The following ME2 variants were observed in gnomAD, a reference collection of about 807,000 sequenced individuals.
ME2 encodes the protein NAD-dependent malic enzyme, mitochondrial.
ME2 carries 60 observed loss-of-function variants against 73.7 expected under a neutral mutation model. The observed-to-expected ratio is 0.81, with a 90% CI of 0.66 to 1.01. The LOEUF (loss-of-function observed/expected upper bound fraction) is 1.01, where lower values mean the gene tolerates loss of function less well. Ranked by LOEUF, ME2 falls within the 50% of genes least tolerant of loss-of-function variation. The pLI, the probability that ME2 is intolerant of heterozygous loss-of-function variation, is 0.00. For missense variants in ME2, 594 were observed against 705.5 expected (o/e 0.84, Z 1.79); for synonymous variants, 199 against 236.9 (o/e 0.84, Z 1.47).
At chr18:50,886,213 T>C (rs1389752786) in intron 1 of ME2, among the ~76,000 whole-genome samples, 5 of 151,806 alleles carry the variant, frequency 3.3e-5, no homozygotes, top group Non-Finnish European at 7.4e-5. Context: ...ATGTGTCTAT[T>C]TTTTAATTTA....
chr18:50,918,151 A>G lies in ME2; in HGVS notation c.672A>G (p.Lys224=), dbSNP rs1335394573. The G allele has an allele frequency of 3.1e-6, 5 of 1,609,258 alleles. No homozygotes were observed. The highest frequency in any genetic ancestry group is 4.2e-6 in the Non-Finnish European group (5 of 1,176,732). Residue 224 remains lysine (K), a synonymous_variant, in exon 7 of 16, where the codon AAA becomes AAG. Transcript: ENST00000321341. ...KDPFYMGLYQ[K]RDRTQQYDDL... is the part of the protein sequence containing the mutation. ...CATTTTACATGGGCTTGTACCAGAA[A>G]CGAGATCGCACACAACAGTATGATG...
At position 50,908,215 on chromosome 18, in the gene ME2, T is replaced by C. The variant is rs1420551365; in HGVS notation, c.242+19T>C. ...TGGAAAAGTAAGAGTTGCTTAGATG[T>C]TTCTTTTTTTATTGGTATTCTGATT... On this transcript the variant is annotated intron_variant, in intron 3 of 15. Coordinates refer to ENST00000321341, the MANE Select transcript of ME2 (RefSeq NM_002396.5). The C allele has an allele frequency of 6.5e-7, 1 of 1,548,226 alleles. No homozygotes were observed. Among genetic ancestry groups the C allele is most frequent in the Non-Finnish European group, 8.7e-7 (1 of 1,148,728 alleles).
At chr18:50,923,663 G>A (rs556042540) in intron 10 of ME2, among the ~76,000 whole-genome samples, 1 of 152,188 alleles carries the variant, frequency 6.6e-6, no homozygotes, top group East Asian at 1.9e-4. Flanking sequence ...GAGGTGGGAG[G>A]ATCACCTGAG....
At chr18:50,906,420 C>G (rs1917020321) in intron 2 of ME2, among the ~76,000 whole-genome samples, 1 of 152,174 alleles carries the variant, frequency 6.6e-6, no homozygotes, top group African/African-American at 2.4e-5. Flanking sequence ...TCAAGTGATT[C>G]TCCTGTCTCA....
intron 2 of ME2, among the ~76,000 whole-genome samples, chr18:50,897,365 G>A (rs1364307304): frequency 6.6e-6 from 1 of 152,166 alleles, no homozygotes; most frequent in East Asian, 1.9e-4. Context: ...AATTTATAAA[G>A]TACATTGAGT....
At position 50,918,198 on chromosome 18, in the gene ME2, A is replaced by C. The variant is rs746516619; in HGVS notation, c.719A>C (p.Lys240Thr). 9.4e-6 allele frequency: 15 copies of C among 1,603,686 alleles called. No individual in the cohort carries two copies. The Admixed American group carries it at 2.2e-4, about 23-fold the overall frequency. The change falls in exon 7 of 16, where the codon AAA becomes ACA. Residue 240 changes from lysine (K) to threonine (T), a missense_variant. Physicochemically the swap from Lys to Thr is moderately conservative, Grantham distance 78 (BLOSUM62 -1). Transcript: ENST00000321341. ...QYDDLIDEFMKAITDRYGRNT... is the reference protein window; with the variant it reads ...QYDDLIDEFMTAITDRYGRNT... ...GATGACCTGATTGATGAGTTTATGA[A>C]AGCTATTACTGACAGGTATTTTTTA...
intron 13 of ME2, chr18:50,934,814 A>G (rs894917845): frequency 2.0e-5 from 3 of 152,214 alleles, no homozygotes; most frequent in African/African-American, 7.2e-5. Flanking sequence ...TAAGACTTTA[A>G]AAGGGTCAAA....
intron 9 of ME2, 73 bp downstream of exon 9, chr18:50,920,831 T>C: frequency 8.4e-7 from 1 of 1,197,028 alleles, no homozygotes; most frequent in Non-Finnish European, 1.2e-6. Flanking sequence ...AGAATATTGA[T>C]GTTTATGAAA....
chr18:50,932,179 C>T (rs749320059), intron 12 of ME2, 79 bp from the exon 13 acceptor site: 13 of 1,214,880 alleles, frequency 1.1e-5, no homozygotes, highest in Non-Finnish European at 2.4e-6. Flanking sequence ...TACTTCAGGA[C>T]TTGATTTTGT....
At chr18:50,939,391 A>G in intron 13 of ME2, 179 bp from the exon 14 acceptor site, 2 of 500,294 alleles carry the variant, frequency 4.0e-6, no homozygotes, top group Non-Finnish European at 3.6e-6. Flanking sequence ...TTAGCGAATA[A>G]GAATTATTAA....
intron 7 of ME2, 90 bp from the exon 8 acceptor site, chr18:50,920,366 T>C (rs910051202): frequency 2.7e-5 from 25 of 911,498 alleles, no homozygotes; most frequent in Middle Eastern, 4.6e-4. Context: ...TAATACATTA[T>C]TTTTGAATGC....
rs902978357 is a variant in ME2, at chr18:50,951,194, A to C, written c.*4010A>C. On this transcript the variant is annotated 3_prime_UTR_variant, in exon 16 of 16. Transcript: ENST00000321341. The stretch of plus-strand genomic sequence containing the variant: ...GTTTTCTTATGACATGACTTGCCTT[A>C]TATCCTTTGTCCTTTTTCTGTAACT... 3 of 152,204 alleles carry C rather than the reference A, an allele frequency of 2.0e-5. No homozygotes were observed. The highest frequency in any genetic ancestry group is 7.2e-5 in the African/African-American group (3 of 41,452). 9.4% of individuals were successfully genotyped at this position (152,204 alleles called of 1,614,324 possible).
intron 12 of ME2, among the ~76,000 whole-genome samples, chr18:50,930,653 C>G (rs1917670148): frequency 6.6e-6 from 1 of 152,132 alleles, no homozygotes; most frequent in Admixed American, 6.6e-5. Flanking sequence ...TTCCCAAGAT[C>G]TTTCTAAATT....
chr18:50,932,102 G>T (rs1240265806), intron 12 of ME2, among the ~76,000 whole-genome samples, 156 bp from the exon 13 acceptor site: 3 of 152,100 alleles, frequency 2.0e-5, no homozygotes, highest in Non-Finnish European at 4.4e-5. Context: ...CTAACAAAAG[G>T]ATTGTAACGA....
Position 50,895,878 on chromosome 18 carries a change from C to T in ME2, c.58C>T (p.His20Tyr). ...TTCTLACRHL[H>Y]IKEKGKPLML... ...TTGTACTTTGGCATGTCGACATTTG[C>T]ACATAAAAGAAAAAGGCAAGCCACT... The change falls in exon 2 of 16, where the codon CAC becomes TAC. Residue 20 changes from histidine (H) to tyrosine (Y), a missense_variant. By Grantham distance (83) the His-to-Tyr change is moderately conservative. Transcript: ENST00000321341. 1 of 1,613,676 alleles carries T rather than the reference C, an allele frequency of 6.2e-7. No individual in the cohort carries two copies. Among genetic ancestry groups the T allele is most frequent in the Non-Finnish European group, 8.5e-7 (1 of 1,179,874 alleles).
intron 9 of ME2, 117 bp from the exon 10 acceptor site, chr18:50,920,952 GTTTGA>G (rs1568169273): frequency 1.4e-6 from 1 of 704,422 alleles, no homozygotes; most frequent in African/African-American, 1.9e-5. Flanking sequence ...AAGAATTTTT[GTTTGA>G]TTTGTAAGGG....
chr18:50,942,886 G>A (rs975975440), intron 15 of ME2: 7 of 226,210 alleles, frequency 3.1e-5, no homozygotes, highest in Non-Finnish European at 5.1e-5. Context: ...TTTTTAATAT[G>A]CATAGTCCGT....
intron 12 of ME2, among the ~76,000 whole-genome samples, chr18:50,929,371 C>G (rs1052551614): frequency 4.6e-5 from 7 of 151,608 alleles, no homozygotes; most frequent in Admixed American, 4.6e-4. Context: ...CACCTGTAGT[C>G]CCAGCTACTC....
intron 12 of ME2, among the ~76,000 whole-genome samples, chr18:50,928,728 C>T (rs1242947652): frequency 6.6e-6 from 1 of 152,158 alleles, no homozygotes; most frequent in Non-Finnish European, 1.5e-5. Flanking sequence ...CTGATATCCA[C>T]CCCTTTGGGT....
Sources: gnomAD v4.1 joint callset for allele counts (sites outside exome capture counted in the v4.1 genomes callset) on GRCh38, gnomAD v4.1.1 for gene constraint, MANE v1.5 for transcripts, NCBI Gene and HGNC (gene_info 2026-07-23, HGNC 2026-07-21) for gene names.